Variants in ETV5 observed in about 807,000 individuals in gnomAD.
ETV5 encodes the protein ETS variant transcription factor 5.
Under a neutral mutation model 70.0 loss-of-function variants are expected in ETV5, and 10 were observed. The ratio of observed to expected loss-of-function variants is 0.14; its 90% CI spans 0.09 to 0.24. ETV5 has a LOEUF of 0.24. Among genes scored for constraint, ETV5 ranks in the 10% least tolerant of loss-of-function variants. The pLI is 1.00. For missense variants in ETV5, 453 were observed against 651.2 expected (o/e 0.70, Z 3.31); for synonymous variants, 216 against 242.2 (o/e 0.89, Z 1.01).
intron 7 of ETV5, among the ~76,000 whole-genome samples, chr3:186,075,758 C>T (rs112314649): frequency 4.6e-5 from 7 of 152,310 alleles, no homozygotes; most frequent in Non-Finnish European, 1.0e-4. Flanking sequence ...TAGGGGCTAT[C>T]CAGAAGCAGA....
intron 9 of ETV5, among the ~76,000 whole-genome samples, chr3:186,062,293 T>G (rs1251734361): frequency 6.6e-6 from 1 of 152,186 alleles, no homozygotes; most frequent in Non-Finnish European, 1.5e-5. Context: ...GCTCTACTCT[T>G]ACAGCCACGT....
At chr3:186,073,274 TTAGTA>T (rs1274812881) in intron 7 of ETV5, among the ~76,000 whole-genome samples, 2 of 152,230 alleles carry the variant, frequency 1.3e-5, no homozygotes, top group Non-Finnish European at 2.9e-5. Context: ...GAAGTGTCCT[TTAGTA>T]TAGTTTATGT....
Position 186,073,008 on chromosome 3 carries a change from T to C in ETV5, c.650+6809A>G, listed in dbSNP as rs373802900. The stretch of plus-strand genomic sequence containing the variant: ...TTAGCCGGGTGTGGTGGTGTACTCC[T>C]GTAATCTTAGCTACTAGGGAGGCTA... On this transcript the variant is annotated intron_variant, in intron 7 of 12. Coordinates refer to ENST00000306376, the MANE Select transcript of ETV5 (RefSeq NM_004454.3). Among the ~76,000 whole-genome samples the C allele has an allele frequency of 5.9e-5, 9 of 152,278 alleles. No individual in the cohort carries two copies. In the East Asian group the frequency reaches 1.2e-3, roughly 20 times the overall value.
At position 186,087,694 on chromosome 3, in the gene ETV5, C is replaced by T. The variant is rs142092445; in HGVS notation, c.233-6519G>A. Among the ~76,000 whole-genome samples, 422 of 152,248 alleles carry T rather than the reference C, an allele frequency of 2.8e-3. 1 individual carries two copies. The highest frequency in any genetic ancestry group is 3.1e-3 in the Non-Finnish European group (210 of 68,006). On this transcript the variant is annotated intron_variant, in intron 5 of 12. Coordinates refer to ENST00000306376, the MANE Select transcript of ETV5 (RefSeq NM_004454.3). ...CTGCTGACAAAAGCTGTTTACTGCCCACAAGTACAGGCCTGTGGACTGTTC... is the reference window on the plus strand; with the variant it reads ...CTGCTGACAAAAGCTGTTTACTGCCTACAAGTACAGGCCTGTGGACTGTTC...
chr3:186,066,847 A>C (rs1713458721), intron 7 of ETV5, among the ~76,000 whole-genome samples: 1 of 152,284 alleles, frequency 6.6e-6, no homozygotes, highest in South Asian at 2.1e-4. Context: ...TGGCAGGTCA[A>C]AGGAATTTAA....
At chr3:186,098,015 C>T (rs1240846195) in intron 5 of ETV5, among the ~76,000 whole-genome samples, 3 of 152,196 alleles carry the variant, frequency 2.0e-5, no homozygotes, top group Non-Finnish European at 4.4e-5. Flanking sequence ...TGCTCAGCGC[C>T]CAGCTGTCGC....
At chr3:186,091,235 A>G (rs1376952560) in intron 5 of ETV5, among the ~76,000 whole-genome samples, 2 of 152,240 alleles carry the variant, frequency 1.3e-5, no homozygotes, top group Non-Finnish European at 2.9e-5. Context: ...TAGCAGGTAC[A>G]GGGAAAGAAG....
chr3:186,093,365 T>C (rs1714229514), intron 5 of ETV5, among the ~76,000 whole-genome samples: 1 of 152,172 alleles, frequency 6.6e-6, no homozygotes, highest in Non-Finnish European at 1.5e-5. Context: ...GTTTATATTA[T>C]CTAGTGGCTT....
chr3:186,065,744 A>C (rs113256818), intron 8 of ETV5, 69 bp downstream of exon 8: 14 of 1,599,136 alleles, frequency 8.8e-6, no homozygotes, highest in Non-Finnish European at 1.1e-5. Context: ...CCCTGCATGT[A>C]TAAGACACTG....
intron 7 of ETV5, 31 bp from the exon 8 acceptor site, chr3:186,066,103 C>T: frequency 6.5e-7 from 1 of 1,529,742 alleles, no homozygotes; most frequent in African/African-American, 1.4e-5. Context: ...TCATGTTGAA[C>T]AAAGACTTGA....
chr3:186,081,716 C>T (rs1388511453), intron 5 of ETV5, among the ~76,000 whole-genome samples: 1 of 152,206 alleles, frequency 6.6e-6, no homozygotes, highest in East Asian at 1.9e-4. Flanking sequence ...GCAAGAAATA[C>T]TCAACTTTAG....
intron 6 of ETV5, chr3:186,080,682 A>G: frequency 4.3e-6 from 1 of 231,882 alleles, no homozygotes; most frequent in Non-Finnish European, 8.5e-6. Context: ...TCTGATTTGG[A>G]GATTACTTCT....
Position 186,054,954 on chromosome 3 carries a change from G to A in ETV5, c.1209+2121C>T, listed in dbSNP as rs1403592900. 2.0e-5 allele frequency among the ~76,000 whole-genome samples: 3 copies of A among 152,214 alleles called. No homozygotes were observed. The highest frequency in any genetic ancestry group is 7.2e-5 in the African/African-American group (3 of 41,456). On this transcript the variant is annotated intron_variant, in intron 11 of 12. Transcript: ENST00000306376. The surrounding 1 kb of genome is among the most constrained non-coding windows in gnomAD (Gnocchi z 4.4). Reference sequence around the variant, plus strand: ...GGTGGGGTGGAAAGCACCATTTCCTGAAGAAACAAAGCTGCCCGGTCAACC... The same window carrying A: ...GGTGGGGTGGAAAGCACCATTTCCTAAAGAAACAAAGCTGCCCGGTCAACC...
intron 9 of ETV5, among the ~76,000 whole-genome samples, chr3:186,061,496 T>C (rs1475637206): frequency 6.6e-6 from 1 of 152,214 alleles, no homozygotes; most frequent in Non-Finnish European, 1.5e-5. Context: ...GTCCTGAGAA[T>C]GTGCATTTCT....
At chr3:186,066,262 C>CAAAAAAAAAAAAAAAAAA (rs10681607) in intron 7 of ETV5, among the ~76,000 whole-genome samples, 190 bp from the exon 8 acceptor site, 4 of 94,894 alleles carry the variant, frequency 4.2e-5, no homozygotes, top group Admixed American at 1.5e-4. Flanking sequence ...CAGGAAGTGG[C>CAAAAAAAAAAAAAAAAAA]AAAAAAAAAA....
intron 7 of ETV5, chr3:186,079,052 C>T (rs1713867031): frequency 9.4e-7 from 1 of 1,065,222 alleles, no homozygotes; most frequent in African/African-American, 1.6e-5. Context: ...ATCTTGCATC[C>T]TTTGGTAATA....
chr3:186,069,288 A>C (rs1713534811), intron 7 of ETV5, among the ~76,000 whole-genome samples: 1 of 152,226 alleles, frequency 6.6e-6, no homozygotes, highest in African/African-American at 2.4e-5. Flanking sequence ...CAATGTCTTA[A>C]ACAAGTTTTA....
intron 5 of ETV5, among the ~76,000 whole-genome samples, chr3:186,098,355 C>T (rs921339066): frequency 6.6e-6 from 1 of 152,190 alleles, no homozygotes; most frequent in Non-Finnish European, 1.5e-5. Context: ...GCCTGCCTCT[C>T]CAGACCTTCC....
intron 7 of ETV5, among the ~76,000 whole-genome samples, chr3:186,068,041 C>G (rs757848504): frequency 6.6e-6 from 1 of 152,124 alleles, no homozygotes; most frequent in South Asian, 2.1e-4. Flanking sequence ...AAAAAAGTAA[C>G]AAAGTCAGAA....
Sources: allele counts gnomAD v4.1 joint callset (sites outside exome capture counted in the v4.1 genomes callset), GRCh38; gene constraint gnomAD v4.1.1; non-coding constraint Gnocchi (gnomAD v3.1); transcripts MANE v1.5; gene names NCBI Gene and HGNC (gene_info 2026-07-23, HGNC 2026-07-21).